Variants in PCDH7 observed in about 807,000 individuals in gnomAD.
PCDH7 encodes protocadherin 7, also known as protocadherin-7.
A neutral mutation model predicts 58.9 loss-of-function variants in PCDH7; 17 were observed. The ratio of observed to expected loss-of-function variants is 0.29; its 90% CI spans 0.20 to 0.43. The LOEUF is 0.43. Among genes scored for constraint, PCDH7 ranks in the 20% least tolerant of loss-of-function variants. The pLI is 1.00. For missense variants in PCDH7, 1,274 were observed against 1,441.0 expected (o/e 0.88, Z 1.88); for synonymous variants, 664 against 616.4 (o/e 1.08, Z -1.14).
intron 3 of PCDH7, among the ~76,000 whole-genome samples, chr4:31,000,837 A>G (rs1303032892): frequency 6.6e-6 from 1 of 152,136 alleles, no homozygotes; most frequent in East Asian, 1.9e-4. Context: ...AGCTAGTAAA[A>G]TGGTGACAAA....
intron 3 of PCDH7, among the ~76,000 whole-genome samples, chr4:31,073,264 T>C (rs995635531): frequency 6.6e-6 from 1 of 152,176 alleles, no homozygotes; most frequent in Non-Finnish European, 1.5e-5. Context: ...AAGATCTTAT[T>C]TGAATGTTAG....
At chr4:31,141,453 A>G (rs1292324136) in intron 3 of PCDH7, among the ~76,000 whole-genome samples, 2 of 152,252 alleles carry the variant, frequency 1.3e-5, no homozygotes, top group Non-Finnish European at 2.9e-5. Flanking sequence ...CTGTTGAAGT[A>G]GAACAGGCTT....
At chr4:30,829,564 G>A (rs1729519284) in intron 1 of PCDH7, among the ~76,000 whole-genome samples, 1 of 151,980 alleles carries the variant, frequency 6.6e-6, no homozygotes, top group Non-Finnish European at 1.5e-5. Context: ...AGAAGCAACA[G>A]CCTGAACCCA....
intron 3 of PCDH7, among the ~76,000 whole-genome samples, chr4:31,083,199 A>G (rs1019191996): frequency 3.9e-5 from 6 of 152,110 alleles, no homozygotes; most frequent in Non-Finnish European, 4.4e-5. Context: ...CTGAAAATTC[A>G]CCACTATTTA....
intron 3 of PCDH7, among the ~76,000 whole-genome samples, chr4:31,017,325 C>T (rs890788977): frequency 6.6e-6 from 1 of 151,994 alleles, no homozygotes; most frequent in African/African-American, 2.4e-5. Flanking sequence ...TAATTTACAT[C>T]CATTTGATGC....
intron 1 of PCDH7, among the ~76,000 whole-genome samples, chr4:30,782,417 G>A (rs1722921404): frequency 6.6e-6 from 1 of 152,176 alleles, no homozygotes; most frequent in South Asian, 2.1e-4. Context: ...TCTGTTTCAA[G>A]TGTAAAATGA....
At chr4:30,781,218 C>CT (rs528737377) in intron 1 of PCDH7, among the ~76,000 whole-genome samples, 3,759 of 140,578 alleles carry the variant, frequency 0.027, 133 homozygotes, top group African/African-American at 0.079. Flanking sequence ...AGGCGTTCTT[C>CT]TTTTTTTTTT....
Position 30,722,916 on chromosome 4 carries a change from C to T in PCDH7, c.1494C>T (p.Thr498=). 1.2e-6 allele frequency: 2 copies of T among 1,613,782 alleles called. No individual in the cohort carries two copies. The highest frequency in any genetic ancestry group is 1.7e-6 in the Non-Finnish European group (2 of 1,180,012). The stretch of plus-strand genomic sequence containing the variant: ...CGACCCCTCTGGACTATGAGGCCAC[C>T]CGGGAGTTCAACGTGGTCATCGTGG... Residue 498 remains threonine, a synonymous_variant, in exon 1 of 2, where the codon ACC becomes ACT. Transcript: ENST00000361762. The surrounding 1 kb of genome is among the most constrained non-coding windows in gnomAD (Gnocchi z 7.6).
intron 3 of PCDH7, among the ~76,000 whole-genome samples, chr4:31,035,323 G>A (rs1189197196): frequency 2.9e-5 from 4 of 139,592 alleles, no homozygotes; most frequent in Non-Finnish European, 4.5e-5. Flanking sequence ...GCACAACCTC[G>A]GCTCACTGCA....
intron 1 of PCDH7, among the ~76,000 whole-genome samples, chr4:30,838,249 C>T (rs926268631): frequency 1.3e-5 from 2 of 152,058 alleles, no homozygotes; most frequent in Non-Finnish European, 2.9e-5. Context: ...AAAAATAAAA[C>T]ATTTTTTAAA....
intron 1 of PCDH7, among the ~76,000 whole-genome samples, chr4:30,857,398 T>C (rs1733608183): frequency 6.6e-6 from 1 of 152,122 alleles, no homozygotes; most frequent in South Asian, 2.1e-4. Context: ...CACAGCCCTT[T>C]AACCTTTATA....
At chr4:30,962,377 CTTTTCCTAAATTT>C (rs1748521173) in intron 3 of PCDH7, among the ~76,000 whole-genome samples, 3 of 152,214 alleles carry the variant, frequency 2.0e-5, no homozygotes, top group Non-Finnish European at 4.4e-5. Context: ...CTATGTAATA[CTTTTCCTAAATTT>C]CTAACCTTTA....
chr4:31,053,714 C>T (rs991498976), intron 3 of PCDH7, among the ~76,000 whole-genome samples: 4 of 152,142 alleles, frequency 2.6e-5, no homozygotes, highest in Non-Finnish European at 5.9e-5. Context: ...CTGTTCGTCA[C>T]GTATATTATT....
intron 3 of PCDH7, among the ~76,000 whole-genome samples, chr4:30,959,134 T>G (rs184376124): frequency 6.7e-6 from 1 of 148,264 alleles, no homozygotes; most frequent in East Asian, 1.9e-4. Flanking sequence ...TTAATATATG[T>G]TTGCTTTTAC....
chr4:30,841,662 AC>A (rs935709582), intron 1 of PCDH7, among the ~76,000 whole-genome samples: 24 of 152,074 alleles, frequency 1.6e-4, no homozygotes, highest in African/African-American at 4.6e-4. Context: ...GTTTGGAGTT[AC>A]CCCCCTGTAT....
intron 3 of PCDH7, among the ~76,000 whole-genome samples, chr4:30,961,403 T>A (rs1226269211): frequency 6.2e-5 from 9 of 146,182 alleles, no homozygotes; most frequent in Middle Eastern, 3.6e-3. Flanking sequence ...AAAAAAAAAA[T>A]TTGCCAGGTG....
intron 3 of PCDH7, among the ~76,000 whole-genome samples, chr4:31,000,089 A>G (rs915325513): frequency 6.6e-6 from 1 of 152,108 alleles, no homozygotes; most frequent in Non-Finnish European, 1.5e-5. Context: ...TGTGTGTGGC[A>G]TAATAGCTAT....
chr4:30,886,289 A>C (rs1426938683), intron 1 of PCDH7, among the ~76,000 whole-genome samples: 1 of 149,666 alleles, frequency 6.7e-6, no homozygotes, highest in Non-Finnish European at 1.5e-5. Context: ...AAAAACAAAC[A>C]ACCCCATCAA....
At chr4:30,993,632 A>C (rs1426128708) in intron 3 of PCDH7, among the ~76,000 whole-genome samples, 1 of 152,172 alleles carries the variant, frequency 6.6e-6, no homozygotes, top group East Asian at 1.9e-4. Context: ...TTACAAGAAA[A>C]AGTGAACTAA....
Sources: allele counts gnomAD v4.1 joint callset (sites outside exome capture counted in the v4.1 genomes callset), GRCh38; gene constraint gnomAD v4.1.1; non-coding constraint Gnocchi (gnomAD v3.1); transcripts MANE v1.5; gene names NCBI Gene and HGNC (gene_info 2026-07-23, HGNC 2026-07-21).